Variants in NRG3 observed in about 807,000 individuals in gnomAD.
NRG3 encodes the protein pro-neuregulin-3, membrane-bound isoform.
In NRG3, 31 loss-of-function variants were observed where a neutral mutation model predicts 66.9. The observed-to-expected ratio is 0.46, with a 90% CI of 0.35 to 0.63. The LOEUF (loss-of-function observed/expected upper bound fraction) is 0.63, where lower values mean the gene tolerates loss of function less well. NRG3 is among the 20% of genes least tolerant of loss of function. The pLI, the probability that NRG3 is intolerant of heterozygous loss-of-function variation, is 0.00. For synonymous variants in NRG3, 393 were observed against 359.4 expected, an observed-to-expected ratio of 1.09 and a Z score of -1.06; for missense variants, 910 against 878.9, an observed-to-expected ratio of 1.04 and a Z score of -0.45.
rs1040216489 is a variant in NRG3 at position 82,451,808 on chromosome 10, G to C, written c.953+92940G>C. 5.3e-5 allele frequency among the ~76,000 whole-genome samples: 8 copies of C among 151,966 alleles called. 1 individual carries two copies. The highest frequency in any genetic ancestry group is 2.0e-4 in the Admixed American group (3 of 15,260). Reference sequence around the variant, plus strand: ...AACATTTTGAAAGTCTGCCCCAAGAGGCAAAAAGACCATGTGAATTATACA... The same window carrying C: ...AACATTTTGAAAGTCTGCCCCAAGACGCAAAAAGACCATGTGAATTATACA... On this transcript the variant is annotated intron_variant, in intron 2 of 8. Transcript: ENST00000372141.
intron 4 of NRG3, among the ~76,000 whole-genome samples, chr10:82,945,128 T>G (rs1848895388): frequency 6.6e-6 from 1 of 152,182 alleles, no homozygotes; most frequent in Non-Finnish European, 1.5e-5. Context: ...CCCCTCAGCT[T>G]GCTTTTCTGT....
intron 1 of NRG3, among the ~76,000 whole-genome samples, chr10:82,053,894 A>G (rs1405516278): frequency 6.6e-6 from 1 of 152,188 alleles, no homozygotes; most frequent in Non-Finnish European, 1.5e-5. Flanking sequence ...ATCATGTGGA[A>G]TGTAACGGGA....
chr10:82,400,829 G>A (rs962824154), intron 2 of NRG3, among the ~76,000 whole-genome samples: 9 of 151,966 alleles, frequency 5.9e-5, no homozygotes, highest in Non-Finnish European at 1.2e-4. Flanking sequence ...GCTGCCTCAG[G>A]CTGCCAAAGT....
intron 3 of NRG3, among the ~76,000 whole-genome samples, chr10:82,801,209 A>G (rs2061022026): frequency 6.6e-6 from 1 of 152,160 alleles, no homozygotes; most frequent in Admixed American, 6.5e-5. Flanking sequence ...TACATATTTT[A>G]AACCACTGTA....
In NRG3 at chr10:82,797,278, G is replaced by C. The variant is rs377298015; in HGVS notation, c.1027+58628G>C. On this transcript the variant is annotated intron_variant, in intron 3 of 8. Transcript: ENST00000372141. ...GGGACGTTTCCTATGGCTCTCTCTG[G>C]GCCACATCTTTCAGTTAACTTGGCC... 1.1e-4 allele frequency among the ~76,000 whole-genome samples: 17 copies of C among 152,098 alleles called. No individual in the cohort carries two copies. The East Asian group carries it at 1.4e-3, about 12-fold the overall frequency.
At chr10:82,708,131 C>T (rs1241087954) in intron 2 of NRG3, among the ~76,000 whole-genome samples, 2 of 151,730 alleles carry the variant, frequency 1.3e-5, no homozygotes, top group African/African-American at 2.4e-5. Flanking sequence ...GAATACTCTG[C>T]TATTTTTTTC....
At chr10:82,421,038 G>C (rs1194563727) in intron 2 of NRG3, among the ~76,000 whole-genome samples, 1 of 152,100 alleles carries the variant, frequency 6.6e-6, no homozygotes, top group African/African-American at 2.4e-5. Flanking sequence ...ATGGTGCTGG[G>C]ATCATCAGTA....
intron 2 of NRG3, among the ~76,000 whole-genome samples, chr10:82,633,504 G>C (rs771768258): frequency 6.6e-6 from 1 of 152,086 alleles, no homozygotes; most frequent in Admixed American, 6.5e-5. Context: ...CAAGTGTAAC[G>C]CCATTAATCA....
intron 6 of NRG3, among the ~76,000 whole-genome samples, chr10:82,960,417 T>C (rs1850517314): frequency 6.6e-6 from 1 of 151,686 alleles, no homozygotes; most frequent in Non-Finnish European, 1.5e-5. Context: ...AGTAACATGT[T>C]AGTGGAATAG....
intron 1 of NRG3, among the ~76,000 whole-genome samples, chr10:82,298,267 G>A (rs568761151): frequency 1.3e-5 from 2 of 151,692 alleles, no homozygotes; most frequent in African/African-American, 4.8e-5. Context: ...GGGAGGGAAG[G>A]AAGGGAGAGA....
At chr10:82,190,792 G>C (rs1049036968) in intron 1 of NRG3, among the ~76,000 whole-genome samples, 1 of 152,130 alleles carries the variant, frequency 6.6e-6, no homozygotes, top group Non-Finnish European at 1.5e-5. Context: ...GTTACTCAAG[G>C]ACAGTATCTA....
chr10:82,485,864 T>C (rs1354222163), intron 2 of NRG3, among the ~76,000 whole-genome samples: 1 of 152,100 alleles, frequency 6.6e-6, no homozygotes, highest in Non-Finnish European at 1.5e-5. Context: ...AAGGATTACC[T>C]ATGGAGCAGG....
At chr10:81,938,814 A>G (rs923698316) in intron 1 of NRG3, among the ~76,000 whole-genome samples, 2 of 151,954 alleles carry the variant, frequency 1.3e-5, no homozygotes, top group African/African-American at 4.8e-5. Flanking sequence ...AAGTGGTGAG[A>G]GTGGGTATCC....
At chr10:82,875,424 C>T (rs564492598) in intron 4 of NRG3, among the ~76,000 whole-genome samples, 32 of 152,254 alleles carry the variant, frequency 2.1e-4, no homozygotes, top group South Asian at 1.5e-3. Flanking sequence ...GTGGTGTAAT[C>T]GTGGCTCATT....
chr10:82,157,549 C>G (rs1333677910), intron 1 of NRG3, among the ~76,000 whole-genome samples: 1 of 151,580 alleles, frequency 6.6e-6, no homozygotes, highest in Non-Finnish European at 1.5e-5. Context: ...TAAACTAATC[C>G]TGAAATCATT....
chr10:82,822,417 G>C (rs193086538), intron 3 of NRG3, among the ~76,000 whole-genome samples: 2 of 152,066 alleles, frequency 1.3e-5, no homozygotes, highest in African/African-American at 2.4e-5. Context: ...GTGGGTCTAC[G>C]TCCAAGAACT....
intron 2 of NRG3, among the ~76,000 whole-genome samples, chr10:82,646,341 A>G (rs908651127): frequency 6.6e-6 from 1 of 152,152 alleles, no homozygotes; most frequent in African/African-American, 2.4e-5. Context: ...GCACTCAGCC[A>G]TTTCTTAATT....
At chr10:82,505,464 A>T (rs1348199032) in intron 2 of NRG3, among the ~76,000 whole-genome samples, 3 of 152,206 alleles carry the variant, frequency 2.0e-5, no homozygotes, top group African/African-American at 4.8e-5. Context: ...AGCCCTGAAG[A>T]GATAGACCAT....
At chr10:82,859,501 A>G (rs2063999207) in intron 3 of NRG3, among the ~76,000 whole-genome samples, 1 of 152,160 alleles carries the variant, frequency 6.6e-6, no homozygotes, top group South Asian at 2.1e-4. Flanking sequence ...AATCAAGGCA[A>G]CGATGTTTTC....
Sources: gnomAD v4.1 joint callset for allele counts (sites outside exome capture counted in the v4.1 genomes callset) on GRCh38, gnomAD v4.1.1 for gene constraint, MANE v1.5 for transcripts, NCBI Gene and HGNC (gene_info 2026-07-23, HGNC 2026-07-21) for gene names.